MAPK10: variants seen among roughly 807,000 people sequenced by gnomAD.
MAPK10 encodes mitogen-activated protein kinase 10.
Under a neutral mutation model 59.3 loss-of-function variants are expected in MAPK10, and 25 were observed. The observed-to-expected ratio is 0.42, with a 90% CI of 0.31 to 0.59. The LOEUF is 0.59. Ranked by LOEUF, MAPK10 falls within the 20% of genes least tolerant of loss-of-function variation. The pLI, the probability that MAPK10 is intolerant of heterozygous loss-of-function variation, is 0.15. For synonymous variants in MAPK10, 190 were observed against 200.5 expected (o/e 0.95, Z 0.44); for missense variants, 351 against 568.9 (o/e 0.62, Z 3.90).
intron 1 of MAPK10, among the ~76,000 whole-genome samples, chr4:86,458,515 CTG>C (rs1366881563): frequency 6.6e-6 from 1 of 151,954 alleles, no homozygotes; most frequent in African/African-American, 2.4e-5. Flanking sequence ...TGATTTCAAA[CTG>C]TGCTATAAGG....
intron 1 of MAPK10, among the ~76,000 whole-genome samples, chr4:86,505,870 C>G (rs535387111): frequency 5.3e-5 from 8 of 152,218 alleles, no homozygotes; most frequent in Middle Eastern, 3.4e-3. Flanking sequence ...CTATAAATTA[C>G]TTCCCCAATT....
chr4:86,489,370 T>C (rs1189631241), intron 1 of MAPK10, among the ~76,000 whole-genome samples: 2 of 152,158 alleles, frequency 1.3e-5, no homozygotes, highest in East Asian at 3.9e-4. Flanking sequence ...CATCCCAGTG[T>C]CACCCACTCC....
At chr4:86,275,138 C>G (rs891270368) in intron 2 of MAPK10, among the ~76,000 whole-genome samples, 2 of 151,954 alleles carry the variant, frequency 1.3e-5, no homozygotes, top group African/African-American at 4.8e-5. Flanking sequence ...AATTTATTCA[C>G]AGGATAAATA....
At chr4:86,483,625 T>A (rs1753766453) in intron 1 of MAPK10, among the ~76,000 whole-genome samples, 1 of 152,114 alleles carries the variant, frequency 6.6e-6, no homozygotes, top group Non-Finnish European at 1.5e-5. Flanking sequence ...ACAATATTTA[T>A]CGAACACCTG....
At chr4:86,467,605 C>T (rs761142770) in intron 1 of MAPK10, among the ~76,000 whole-genome samples, 8 of 152,072 alleles carry the variant, frequency 5.3e-5, no homozygotes, top group Non-Finnish European at 1.0e-4. Flanking sequence ...CTGCAACCTC[C>T]GCCTCCCGGG....
At chr4:86,528,612 A>G (rs916086327) in intron 1 of MAPK10, among the ~76,000 whole-genome samples, 6 of 152,162 alleles carry the variant, frequency 3.9e-5, no homozygotes, top group Non-Finnish European at 8.8e-5. Context: ...GAGTGATCAT[A>G]GCACACTGAG....
In MAPK10 at chr4:86,051,414, A is replaced by G. The variant is rs142900507; in HGVS notation, c.1110+12852T>C. On this transcript the variant is annotated intron_variant, in intron 11 of 13. Coordinates refer to ENST00000641462, the MANE Select transcript of MAPK10 (RefSeq NM_138982.4). ...AGATTCAGCCTTTTCCCTGAATCTGAAGGTTACCATGATTTAGCACCCAGG... is the reference window on the plus strand; with the variant it reads ...AGATTCAGCCTTTTCCCTGAATCTGGAGGTTACCATGATTTAGCACCCAGG... 4.0e-3 allele frequency among the ~76,000 whole-genome samples: 602 copies of G among 152,238 alleles called. 1 individual carries two copies. Among genetic ancestry groups the G allele is most frequent in the African/African-American group, 0.013 (560 of 41,552 alleles).
intron 1 of MAPK10, among the ~76,000 whole-genome samples, chr4:86,486,365 T>C (rs11947775): frequency 0.34 from 51,243 of 151,934 alleles, 8,829 homozygotes; most frequent in Admixed American, 0.39. Context: ...ATAACTACCA[T>C]ACAGAAGAAA....
chr4:86,403,314 A>G (rs1402468898), intron 1 of MAPK10, among the ~76,000 whole-genome samples: 1 of 152,156 alleles, frequency 6.6e-6, no homozygotes, highest in African/African-American at 2.4e-5. Flanking sequence ...CAGGAGTTCA[A>G]GATCAGTCTA....
At chr4:86,519,940 G>A (rs1435554842) in intron 1 of MAPK10, among the ~76,000 whole-genome samples, 1 of 152,190 alleles carries the variant, frequency 6.6e-6, no homozygotes, top group African/African-American at 2.4e-5. Flanking sequence ...CTAAAGATAG[G>A]ACCCCAATCT....
chr4:86,051,445 T>G (rs1296088559), intron 11 of MAPK10, among the ~76,000 whole-genome samples: 2 of 152,182 alleles, frequency 1.3e-5, no homozygotes, highest in African/African-American at 4.8e-5. Context: ...CCAGGAATAG[T>G]TTCTGCCTAT....
chr4:86,250,074 T>C (rs1047345188), intron 2 of MAPK10, among the ~76,000 whole-genome samples: 7 of 152,202 alleles, frequency 4.6e-5, no homozygotes, highest in African/African-American at 1.7e-4. Flanking sequence ...TGTCTCATAC[T>C]TTGCCTTTGT....
At chr4:86,132,714 T>C (rs2061232932) in intron 4 of MAPK10, among the ~76,000 whole-genome samples, 1 of 152,136 alleles carries the variant, frequency 6.6e-6, no homozygotes, top group Non-Finnish European at 1.5e-5. Flanking sequence ...AGCATTAGAT[T>C]CTCATAGGAG....
chr4:86,194,596 T>A (rs942682870), intron 2 of MAPK10, among the ~76,000 whole-genome samples, 189 bp from the exon 3 acceptor site: 10 of 152,122 alleles, frequency 6.6e-5, no homozygotes, highest in African/African-American at 2.4e-4. Flanking sequence ...GGTTAAAATG[T>A]CCTATCTTTT....
In MAPK10 at chr4:86,194,365, T is replaced by C; in HGVS notation, c.37A>G (p.Thr13Ala). The change falls in exon 3 of 14, where the codon ACA (threonine) becomes GCA (alanine). Residue 13 changes from threonine to alanine, a missense_variant. Physicochemically the swap from Thr to Ala is moderately conservative, Grantham distance 58 (BLOSUM62 0). Transcript: ENST00000641462. The stretch of plus-strand genomic sequence containing the variant: ...CAAAAGGCAATTTTCACATCCAATG[T>C]TGGTTCACTGCAGTAGTATAAGAAA... ...LHFLYYCSEP[T>A]LDVKIAFCQG... is the part of the protein sequence containing the mutation. The C allele has an allele frequency of 6.2e-7, 1 of 1,613,340 alleles. No homozygotes were observed. The highest frequency in any genetic ancestry group is 2.2e-5 in the East Asian group (1 of 44,856).
rs181729138 is a variant in MAPK10 at position 86,449,226 on chromosome 4, T to A, written c.-122+3804A>T. Among the ~76,000 whole-genome samples, 367 of 152,194 alleles carry A rather than the reference T, an allele frequency of 2.4e-3. 4 individuals carry two copies. The highest frequency in any genetic ancestry group is 8.4e-3 in the African/African-American group (349 of 41,522). Reference sequence around the variant, plus strand: ...TTGTTTTCCAAGTGTCATTTTTAAATCTCCAGATCTAATCCTCCGTGAAAA... The same window carrying A: ...TTGTTTTCCAAGTGTCATTTTTAAAACTCCAGATCTAATCCTCCGTGAAAA... On this transcript the variant is annotated intron_variant, in intron 1 of 13. Transcript: ENST00000361569.
rs1252724317 is a variant in MAPK10, at chr4:86,541,937, G to A, written c.-263+51973C>T. ...TAATCCCAATTTTGTAAATGCACAT[G>A]AATACACCGGCACACACACACACAC... On this transcript the variant is annotated intron_variant, in intron 1 of 4. Transcript: ENST00000502302. Among the ~76,000 whole-genome samples the A allele has an allele frequency of 4.0e-5, 5 of 124,052 alleles. No individual in the cohort carries two copies. The Admixed American group carries it at 4.4e-4, about 11-fold the overall frequency. 81.4% of individuals were successfully genotyped at this position (124,052 alleles called of 152,430 possible).
chr4:86,353,732 G>A (rs1383815251), intron 2 of MAPK10, among the ~76,000 whole-genome samples: 4 of 152,198 alleles, frequency 2.6e-5, no homozygotes, highest in South Asian at 2.1e-4. Context: ...AAGCCACTAG[G>A]CAAATGAAAG....
chr4:86,392,963 A>G (rs191441610), intron 1 of MAPK10, among the ~76,000 whole-genome samples: 1 of 152,346 alleles, frequency 6.6e-6, no homozygotes, highest in East Asian at 1.9e-4. Flanking sequence ...AAGGAAATAT[A>G]ACCTAAAATT....
Sources: allele counts gnomAD v4.1 joint callset (sites outside exome capture counted in the v4.1 genomes callset), GRCh38; gene constraint gnomAD v4.1.1; transcripts MANE v1.5; gene names NCBI Gene and HGNC (gene_info 2026-07-23, HGNC 2026-07-21).